SPHKAP: variants seen among roughly 807,000 people sequenced by gnomAD.
The protein encoded by SPHKAP is SPHK1 interactor, AKAP domain containing, also known as A-kinase anchor protein SPHKAP.
In SPHKAP, 67 loss-of-function variants were observed where a neutral mutation model predicts 137.5. That is an observed-to-expected ratio of 0.49 (90% CI 0.40 to 0.60). The LOEUF is 0.60. SPHKAP is among the 20% of genes least tolerant of loss of function. The pLI, the probability that SPHKAP is intolerant of heterozygous loss-of-function variation, is 0.00. For missense variants in SPHKAP, 2,097 were observed against 2,069.3 expected, an observed-to-expected ratio of 1.01 and a Z score of -0.26; for synonymous variants, 813 against 785.3, an observed-to-expected ratio of 1.04 and a Z score of -0.59.
chr2:228,003,018 T>C (rs1693969901), intron 7 of SPHKAP, among the ~76,000 whole-genome samples: 1 of 152,200 alleles, frequency 6.6e-6, no homozygotes, highest in Non-Finnish European at 1.5e-5. Flanking sequence ...TCCAGCTTTG[T>C]TCTTTTGGCT....
At chr2:228,163,677 A>G (rs1300457905) in intron 1 of SPHKAP, among the ~76,000 whole-genome samples, 1 of 152,164 alleles carries the variant, frequency 6.6e-6, no homozygotes. Flanking sequence ...CAATATAGCA[A>G]CAAATATTAT....
intron 7 of SPHKAP, among the ~76,000 whole-genome samples, chr2:228,012,896 C>A (rs1243199297): frequency 6.6e-6 from 1 of 152,122 alleles, no homozygotes; most frequent in Non-Finnish European, 1.5e-5. Flanking sequence ...AGTTGTTATT[C>A]TTTTATCAAA....
chr2:228,116,651 A>T (rs1698718436), intron 2 of SPHKAP, among the ~76,000 whole-genome samples: 1 of 152,184 alleles, frequency 6.6e-6, no homozygotes, highest in Non-Finnish European at 1.5e-5. Context: ...TTGCAAAACA[A>T]GACAGAGGGA....
intron 1 of SPHKAP, among the ~76,000 whole-genome samples, chr2:228,160,853 A>G (rs1700253164): frequency 6.6e-6 from 1 of 152,202 alleles, no homozygotes; most frequent in African/African-American, 2.4e-5. Flanking sequence ...CAAATAAGAT[A>G]TTAGCATCTG....
intron 11 of SPHKAP, chr2:227,982,111 A>G (rs1277671236): frequency 6.1e-6 from 6 of 982,668 alleles, no homozygotes; most frequent in Non-Finnish European, 7.2e-6. Flanking sequence ...GATTAGGTGG[A>G]ATGAGACTAA....
At chr2:228,157,308 A>T (rs537015777) in intron 1 of SPHKAP, among the ~76,000 whole-genome samples, 2 of 152,298 alleles carry the variant, frequency 1.3e-5, no homozygotes, top group South Asian at 4.1e-4. Flanking sequence ...TGATCTTAAA[A>T]CCCAGGTCTT....
Position 228,022,536 on chromosome 2 carries a change from C to T in SPHKAP, c.442-570G>A, listed in dbSNP as rs529260719. 2.6e-5 allele frequency among the ~76,000 whole-genome samples: 4 copies of T among 152,284 alleles called. No homozygotes were observed. The East Asian group carries it at 7.7e-4, about 29-fold the overall frequency. ...AGACTGGGGACTTTAAGGGAACTAT[C>T]TTCCTTGATGATTACATTTCAAAGA... On this transcript the variant is annotated intron_variant, in intron 5 of 11. Coordinates refer to ENST00000392056, the MANE Select transcript of SPHKAP (RefSeq NM_001142644.2).
chr2:228,028,613 ATACT>A (rs1343273304), intron 3 of SPHKAP, among the ~76,000 whole-genome samples: 1 of 152,340 alleles, frequency 6.6e-6, no homozygotes, highest in Non-Finnish European at 1.5e-5. Context: ...AGATATACAA[ATACT>A]TAATGATTGT....
chr2:228,042,992 C>G (rs1695908424), intron 3 of SPHKAP, among the ~76,000 whole-genome samples: 1 of 152,084 alleles, frequency 6.6e-6, no homozygotes, highest in African/African-American at 2.4e-5. Flanking sequence ...AAGAGATGCG[C>G]AATAGGTATC....
intron 2 of SPHKAP, among the ~76,000 whole-genome samples, chr2:228,129,486 T>A (rs1699179376): frequency 6.6e-6 from 1 of 152,164 alleles, no homozygotes; most frequent in Admixed American, 6.5e-5. Flanking sequence ...TCATTTATGA[T>A]CTATCTTTGT....
chr2:227,996,283 C>T, intron 7 of SPHKAP: 1 of 202,174 alleles, frequency 4.9e-6, no homozygotes, highest in Non-Finnish European at 8.8e-6. Context: ...CTCTGAAACC[C>T]CTGATTTATA....
chr2:228,104,303 AATAATATTAATAAT>A (rs1698271302), intron 3 of SPHKAP, among the ~76,000 whole-genome samples: 1 of 138,002 alleles, frequency 7.2e-6, no homozygotes, highest in African/African-American at 3.0e-5. Context: ...TATATTATAT[AATAATATTAATAAT>A]ATAATATTAA....
At chr2:228,149,858 T>C (rs1236360846) in intron 1 of SPHKAP, among the ~76,000 whole-genome samples, 1 of 152,206 alleles carries the variant, frequency 6.6e-6, no homozygotes, top group African/African-American at 2.4e-5. Context: ...ATTTTCTATG[T>C]ACACAATCAA....
chr2:228,061,204 G>A (rs975661444), intron 3 of SPHKAP, among the ~76,000 whole-genome samples: 2 of 152,022 alleles, frequency 1.3e-5, no homozygotes, highest in African/African-American at 2.4e-5. Context: ...TGGCAGGATC[G>A]GGGATAAGAA....
chr2:227,993,432 T>G, intron 9 of SPHKAP, 102 bp downstream of exon 9: 1 of 1,037,962 alleles, frequency 9.6e-7, no homozygotes, highest in African/African-American at 1.6e-5. Flanking sequence ...AGTACAGACA[T>G]GATGAGGTCA....
chr2:228,001,805 T>C (rs567493930), intron 7 of SPHKAP, among the ~76,000 whole-genome samples: 1 of 152,000 alleles, frequency 6.6e-6, no homozygotes, highest in East Asian at 1.9e-4. Context: ...CACCTATGAG[T>C]GAGAACGTGA....
At chr2:227,989,484 T>C (rs748349106) in intron 11 of SPHKAP, among the ~76,000 whole-genome samples, 15 of 152,186 alleles carry the variant, frequency 9.9e-5, no homozygotes, top group Non-Finnish European at 2.1e-4. Flanking sequence ...TTTTTCACCC[T>C]AATCCCTGGG....
At chr2:228,069,449 CTTTT>C (rs11346938) in intron 3 of SPHKAP, among the ~76,000 whole-genome samples, 1 of 128,108 alleles carries the variant, frequency 7.8e-6, no homozygotes. Flanking sequence ...TTCTTTCTTT[CTTTT>C]TTTTTTTTTT....
Position 228,019,843 on chromosome 2 carries a change from T to A in SPHKAP, c.1011A>T (p.Ala337=), listed in dbSNP as rs1263121556. 1.9e-6 allele frequency: 3 copies of A among 1,614,112 alleles called. No individual in the cohort carries two copies. The highest frequency in any genetic ancestry group is 2.5e-6 in the Non-Finnish European group (3 of 1,180,046). ...AATAAGCATCTTTTGGAATATACAG[T>A]GCCTGTGATTTTTCCATTTGACCTT... is the stretch of plus-strand genomic sequence containing the variant. ...AFKGQMEKSQ[A]LYIPKDAYFS... is the part of the protein sequence containing the mutation. The change falls in exon 7 of 12, where the codon GCA becomes GCT. Residue 337 remains alanine (A), a synonymous_variant. Transcript: ENST00000392056.
Sources: gnomAD v4.1 joint callset for allele counts (sites outside exome capture counted in the v4.1 genomes callset) on GRCh38, gnomAD v4.1.1 for gene constraint, MANE v1.5 for transcripts, NCBI Gene and HGNC (gene_info 2026-07-23, HGNC 2026-07-21) for gene names.